Variants in CDYL2 observed in about 807,000 individuals in gnomAD.
The protein encoded by CDYL2 is chromodomain Y like 2.
Under a neutral mutation model 49.4 loss-of-function variants are expected in CDYL2, and 23 were observed. The observed-to-expected ratio is 0.47, with a 90% CI of 0.34 to 0.66. The LOEUF is 0.66. Ranked by LOEUF, CDYL2 falls within the 30% of genes least tolerant of loss-of-function variation. The pLI is 0.01. For missense variants in CDYL2, 678 were observed against 656.4 expected, an observed-to-expected ratio of 1.03 and a Z score of -0.36; for synonymous variants, 360 against 268.8, an observed-to-expected ratio of 1.34 and a Z score of -3.32.
intron 1 of CDYL2, among the ~76,000 whole-genome samples, chr16:80,712,215 A>ATATATATATATATATATATCTC (rs763194077): frequency 0.011 from 1,461 of 128,186 alleles, 35 homozygotes; most frequent in Non-Finnish European, 0.019. Flanking sequence ...ATATATATAT[A>ATATATATATATATATATATCTC]TCTCCAAACC....
At chr16:80,772,087 A>G (rs1411033235) in intron 1 of CDYL2, among the ~76,000 whole-genome samples, 2 of 152,218 alleles carry the variant, frequency 1.3e-5, no homozygotes, top group African/African-American at 2.4e-5. Context: ...ATGGAATGTC[A>G]TCTTCAATCC....
intron 1 of CDYL2, among the ~76,000 whole-genome samples, chr16:80,773,726 G>A (rs371800919): frequency 6.6e-6 from 1 of 152,066 alleles, no homozygotes; most frequent in South Asian, 2.1e-4. Flanking sequence ...TTTAAACTCA[G>A]TAATCATAAA....
At chr16:80,780,319 C>T (rs965498152) in intron 1 of CDYL2, among the ~76,000 whole-genome samples, 17 of 151,776 alleles carry the variant, frequency 1.1e-4, no homozygotes, top group Admixed American at 3.3e-4. Context: ...TAAGCAAGCC[C>T]TTCACACCAA....
chr16:80,609,548 T>A (rs1906502050), intron 5 of CDYL2, among the ~76,000 whole-genome samples: 1 of 152,218 alleles, frequency 6.6e-6, no homozygotes, highest in Non-Finnish European at 1.5e-5. Flanking sequence ...ATGGAGGACT[T>A]GATACTTTCT....
In CDYL2 at chr16:80,620,809, A is replaced by G. The variant is rs144737101; in HGVS notation, c.961T>C (p.Ser321Pro). The G allele has an allele frequency of 2.5e-6, 4 of 1,611,486 alleles. No individual in the cohort carries two copies. Among genetic ancestry groups the G allele is most frequent in the Admixed American group, 3.3e-5 (2 of 59,844 alleles). ...GTGCTCTCCTTTCGCCGGTCGCTGGACAACCGGCCAATTAGGTAGGAATAA... is the reference window on the plus strand; with the variant it reads ...GTGCTCTCCTTTCGCCGGTCGCTGGGCAACCGGCCAATTAGGTAGGAATAA... ...LDYSYLIGRL[S>P]SDRRKESTRI... The change falls in exon 4 of 7, where the codon TCC (serine) becomes CCC (proline). Residue 321 changes from serine (S) to proline (P), a missense_variant. Coordinates refer to ENST00000570137, the MANE Select transcript of CDYL2 (RefSeq NM_152342.4).
intron 1 of CDYL2, among the ~76,000 whole-genome samples, chr16:80,693,758 A>C (rs1910508726): frequency 6.6e-6 from 1 of 152,214 alleles, no homozygotes; most frequent in African/African-American, 2.4e-5. Context: ...GGGTGGATTC[A>C]TGACTGTACA....
chr16:80,638,055 G>C (rs1234145039), intron 2 of CDYL2, among the ~76,000 whole-genome samples: 2 of 151,874 alleles, frequency 1.3e-5, no homozygotes, highest in Admixed American at 6.5e-5. Context: ...GAAATAATCT[G>C]TGTTAATGAA....
At chr16:80,743,558 A>C (rs1192295750) in intron 1 of CDYL2, among the ~76,000 whole-genome samples, 1 of 152,314 alleles carries the variant, frequency 6.6e-6, no homozygotes, top group Middle Eastern at 3.4e-3. Flanking sequence ...TCTCACCTAC[A>C]TCCCAGTGAA....
upstream of CDYL2, among the ~76,000 whole-genome samples, chr16:80,804,614 C>T (rs1285265285): frequency 6.9e-6 from 1 of 144,830 alleles, no homozygotes; most frequent in Non-Finnish European, 1.5e-5. Flanking sequence ...AGTCCCCGCC[C>T]CCCGGGAGCC....
chr16:80,717,043 C>T (rs368105997), intron 1 of CDYL2, among the ~76,000 whole-genome samples: 193 of 101,610 alleles, frequency 1.9e-3, no homozygotes, highest in African/African-American at 8.6e-3. Flanking sequence ...GATGGATGCA[C>T]GGATGGATGG....
intron 2 of CDYL2, among the ~76,000 whole-genome samples, chr16:80,665,710 G>C (rs902189961): frequency 6.6e-6 from 1 of 151,996 alleles, no homozygotes; most frequent in Non-Finnish European, 1.5e-5. Flanking sequence ...GCTTCCAGAG[G>C]TCCACAGTGG....
intron 1 of CDYL2, among the ~76,000 whole-genome samples, chr16:80,758,541 C>CTTT (rs58565125): frequency 6.0e-4 from 70 of 117,090 alleles, no homozygotes; most frequent in East Asian, 7.4e-4. Context: ...TGCTGCAGCA[C>CTTT]TTTTTTTTTT....
At chr16:80,711,025 G>A (rs1164439102) in intron 1 of CDYL2, among the ~76,000 whole-genome samples, 1 of 152,212 alleles carries the variant, frequency 6.6e-6, no homozygotes, top group Admixed American at 6.5e-5. Context: ...CAGCCCTGCT[G>A]CTTGCTGTAA....
At chr16:80,749,980 CAAG>C (rs1434282140) in intron 1 of CDYL2, among the ~76,000 whole-genome samples, 1 of 150,926 alleles carries the variant, frequency 6.6e-6, no homozygotes, top group Non-Finnish European at 1.5e-5. Context: ...CAAACTATCC[CAAG>C]GACAGAAAAC....
chr16:80,613,036 C>G (rs1906672508), intron 4 of CDYL2, among the ~76,000 whole-genome samples, 200 bp from the exon 5 acceptor site: 1 of 152,084 alleles, frequency 6.6e-6, no homozygotes, highest in Non-Finnish European at 1.5e-5. Context: ...CACTGCATGT[C>G]CTGGTTTGCT....
At chr16:80,715,965 C>G (rs1370903131) in intron 1 of CDYL2, among the ~76,000 whole-genome samples, 1 of 152,240 alleles carries the variant, frequency 6.6e-6, no homozygotes, top group Non-Finnish European at 1.5e-5. Context: ...AAACCCAGCT[C>G]TGTCGCCGAC....
At chr16:80,703,432 T>C (rs1365967905) in intron 1 of CDYL2, among the ~76,000 whole-genome samples, 1 of 152,180 alleles carries the variant, frequency 6.6e-6, no homozygotes. Flanking sequence ...CTCAGGCTTA[T>C]CCCCAGATTC....
intron 2 of CDYL2, among the ~76,000 whole-genome samples, chr16:80,676,347 T>G (rs774578098): frequency 4.6e-5 from 7 of 152,216 alleles, no homozygotes; most frequent in African/African-American, 7.2e-5. Flanking sequence ...GGGTGGGTAC[T>G]TGAAGTGGGT....
chr16:80,616,636 G>C (rs1906838662), intron 4 of CDYL2, among the ~76,000 whole-genome samples: 1 of 152,142 alleles, frequency 6.6e-6, no homozygotes, highest in South Asian at 2.1e-4. Flanking sequence ...GGCCCCCAGA[G>C]AGGTCCCTGG....
Sources: allele counts gnomAD v4.1 joint callset (sites outside exome capture counted in the v4.1 genomes callset), GRCh38; gene constraint gnomAD v4.1.1; transcripts MANE v1.5; gene names NCBI Gene and HGNC (gene_info 2026-07-23, HGNC 2026-07-21).